The following TMEM192 variants were observed in gnomAD, a reference collection of about 807,000 sequenced individuals.
TMEM192 encodes transmembrane protein 192.
A neutral mutation model predicts 26.7 loss-of-function variants in TMEM192; 20 were observed. The observed-to-expected ratio is 0.75, with a 90% CI of 0.53 to 1.09. The LOEUF is 1.09. Ranked by LOEUF, TMEM192 falls within the 50% of genes least tolerant of loss-of-function variation. TMEM192 has a pLI of 0.00. For missense variants in TMEM192, 304 were observed against 322.6 expected, an observed-to-expected ratio of 0.94 and a Z score of 0.44; for synonymous variants, 124 against 121.0, an observed-to-expected ratio of 1.02 and a Z score of -0.16.
chr4:165,073,506 C>T lies in TMEM192; in HGVS notation c.*6152G>A, dbSNP rs1734311544. ...ACTGAGACAGCCTGAGATACGGCCT[C>T]GTGGGAAAGGAAAGGCCTTACCATC... is the stretch of plus-strand genomic sequence containing the variant. On this transcript the variant is annotated 3_prime_UTR_variant, in exon 6 of 6. Coordinates refer to ENST00000306480, the MANE Select transcript of TMEM192 (RefSeq NM_001100389.2). 2 of 152,136 alleles carry T rather than the reference C, an allele frequency of 1.3e-5. No individual in the cohort carries two copies. The highest frequency in any genetic ancestry group is 2.4e-5 in the African/African-American group (1 of 41,424). 9.4% of individuals were successfully genotyped at this position (152,136 alleles called of 1,614,324 possible).
intron 3 of TMEM192, among the ~76,000 whole-genome samples, chr4:165,092,353 C>T (rs757240699): frequency 6.6e-5 from 10 of 152,024 alleles, no homozygotes; most frequent in African/African-American, 9.7e-5. Flanking sequence ...AACTTCTGAC[C>T]GCAAGTGATC....
intron 3 of TMEM192, among the ~76,000 whole-genome samples, chr4:165,097,536 C>A (rs1578908581): frequency 4.5e-5 from 6 of 132,578 alleles, no homozygotes; most frequent in East Asian, 2.2e-4. Flanking sequence ...ACTAACAGAA[C>A]AGAAGAAAAA....
At chr4:165,098,943 C>A (rs894742603) in intron 3 of TMEM192, among the ~76,000 whole-genome samples, 1 of 151,948 alleles carries the variant, frequency 6.6e-6, no homozygotes, top group African/African-American at 2.4e-5. Flanking sequence ...GTCAGGTGAT[C>A]CTTCCGCTTC....
Position 165,100,678 on chromosome 4 carries a change from T to C in TMEM192, c.389A>G (p.Tyr130Cys), listed in dbSNP as rs772118599. ...KIRNRGYNLIYRSTRHLKRLA... is the reference protein window; with the variant it reads ...KIRNRGYNLICRSTRHLKRLA... ...TCTCTTGAGATGCCTTGTTGATCGGTAGATCAAGTTATAGCCTCGGTTTCT... is the reference window on the plus strand; with the variant it reads ...TCTCTTGAGATGCCTTGTTGATCGGCAGATCAAGTTATAGCCTCGGTTTCT... Residue 130 changes from tyrosine to cysteine, a missense_variant, in exon 3 of 6, where the codon TAC becomes TGC. Coordinates refer to ENST00000306480, the MANE Select transcript of TMEM192 (RefSeq NM_001100389.2). 1 of 1,614,006 alleles carries C rather than the reference T, an allele frequency of 6.2e-7. No homozygotes were observed. The highest frequency in any genetic ancestry group is 1.3e-5 in the African/African-American group (1 of 74,918).
intron 3 of TMEM192, among the ~76,000 whole-genome samples, chr4:165,093,707 G>A (rs1406849142): frequency 1.3e-5 from 2 of 152,072 alleles, no homozygotes; most frequent in African/African-American, 4.8e-5. Flanking sequence ...ACACTCTCCA[G>A]TTATACAGTT....
intron 1 of TMEM192, among the ~76,000 whole-genome samples, chr4:165,110,157 G>A (rs1185248384): frequency 6.6e-6 from 1 of 152,104 alleles, no homozygotes; most frequent in Non-Finnish European, 1.5e-5. Flanking sequence ...GAAGGGTGAG[G>A]GGAAGAGGAC....
Position 165,074,118 on chromosome 4 carries a change from C to CCT in TMEM192, c.*5539_*5540insAG, listed in dbSNP as rs563291911. ...CCACAGGTGTGGAGGGGCAGACCCCCCCTCAATCAACTGAGCCAAGTGTTG... is the reference window on the plus strand; with the variant it reads ...CCACAGGTGTGGAGGGGCAGACCCCCCTCCTCAATCAACTGAGCCAAGTGTTG... On this transcript the variant is annotated 3_prime_UTR_variant, in exon 6 of 6. Transcript: ENST00000306480. 1.3e-5 allele frequency: 2 copies of CCT among 151,826 alleles called. No individual in the cohort carries two copies. Among genetic ancestry groups the CCT allele is most frequent in the Admixed American group, 6.6e-5 (1 of 15,204 alleles). 9.4% of individuals were successfully genotyped at this position (151,826 alleles called of 1,614,324 possible).
chr4:165,100,048 G>A (rs1469553239), intron 3 of TMEM192, among the ~76,000 whole-genome samples: 2 of 152,008 alleles, frequency 1.3e-5, no homozygotes, highest in East Asian at 3.8e-4. Flanking sequence ...TAAACCACCT[G>A]GTAACAAAAG....
In TMEM192 at chr4:165,112,840, C is replaced by T. The variant is rs1735329143; in HGVS notation, c.-67G>A. On this transcript the variant is annotated 5_prime_UTR_variant, in exon 1 of 6. Transcript: ENST00000306480. The stretch of plus-strand genomic sequence containing the variant: ...TCCACCTGGACCTGTAAGCCTCTGG[C>T]CGCGAAACTCGCCACCTTCTGGGAC... The T allele has an allele frequency of 3.8e-6, 6 of 1,569,984 alleles. No homozygotes were observed. Among genetic ancestry groups the T allele is most frequent in the Non-Finnish European group, 5.2e-6 (6 of 1,163,476 alleles).
intron 4 of TMEM192, among the ~76,000 whole-genome samples, chr4:165,087,682 G>A (rs2110751072): frequency 6.6e-6 from 1 of 152,222 alleles, no homozygotes; most frequent in Middle Eastern, 3.4e-3. Flanking sequence ...GGTCATGCCT[G>A]TAATCCCAGC....
chr4:165,076,314 A>G lies in TMEM192; in HGVS notation c.*3344T>C, dbSNP rs1173175853. 1 of 152,166 alleles carries G rather than the reference A, an allele frequency of 6.6e-6. No individual in the cohort carries two copies. The highest frequency in any genetic ancestry group is 1.5e-5 in the Non-Finnish European group (1 of 68,044). The allele number at this position is 152,166 out of a possible 1,614,324, so 9.4% of individuals were successfully genotyped here. A position where few individuals can be genotyped will look rare whatever the true frequency, so the allele number is the denominator to read the frequency against. Reference sequence around the variant, plus strand: ...GCCACACATATTTCCTCCATATTGAACTACCATCTGATCCTGCTGAAACTA... The same window carrying G: ...GCCACACATATTTCCTCCATATTGAGCTACCATCTGATCCTGCTGAAACTA... On this transcript the variant is annotated 3_prime_UTR_variant, in exon 6 of 6. Transcript: ENST00000306480.
At chr4:165,111,358 T>C (rs2110807011) in intron 1 of TMEM192, among the ~76,000 whole-genome samples, 1 of 152,302 alleles carries the variant, frequency 6.6e-6, no homozygotes, top group East Asian at 1.9e-4. Flanking sequence ...CCTCCCAAAG[T>C]GCTGGGATTA....
rs1730047792 is a variant in TMEM192, at chr4:165,071,114, T to C, written c.*8544A>G. The C allele has an allele frequency of 6.6e-6, 1 of 152,100 alleles. No homozygotes were observed. Among genetic ancestry groups the C allele is most frequent in the Non-Finnish European group, 1.5e-5 (1 of 68,028 alleles). The allele number at this position is 152,100 out of a possible 1,614,324, so 9.4% of individuals were successfully genotyped here. A position where few individuals can be genotyped will look rare whatever the true frequency, so the allele number is the denominator to read the frequency against. On this transcript the variant is annotated 3_prime_UTR_variant, in exon 6 of 6. Coordinates refer to ENST00000306480, the MANE Select transcript of TMEM192 (RefSeq NM_001100389.2). Reference sequence around the variant, plus strand: ...TACTAAACCCTACGAACACTATATTTTTTCCTATCCACACATAACTACAAT... The same window carrying C: ...TACTAAACCCTACGAACACTATATTCTTTCCTATCCACACATAACTACAAT...
rs200266889 is a variant in TMEM192, at chr4:165,079,808, C to G, written c.678-12G>C. ...GGCTTGAAATAGTTCTGCAAGTAAT[C>G]AAGATATAAATGGGTTACACATATT... On this transcript the variant is annotated splice_polypyrimidine_tract_variant and intron_variant, in intron 5 of 5. Transcript: ENST00000306480. The G allele has an allele frequency of 6.2e-7, 1 of 1,612,576 alleles. No homozygotes were observed. The highest frequency in any genetic ancestry group is 1.3e-5 in the African/African-American group (1 of 74,990).
At chr4:165,088,294 G>A (rs1249443943) in intron 4 of TMEM192, among the ~76,000 whole-genome samples, 174 bp downstream of exon 4, 1 of 152,094 alleles carries the variant, frequency 6.6e-6, no homozygotes, top group Non-Finnish European at 1.5e-5. Context: ...AAAAGAATGG[G>A]GTCTCACTGG....
At position 165,079,628 on chromosome 4, in the gene TMEM192, T is replaced by G. The variant is rs759174436; in HGVS notation, c.*30A>C. ...GTCAGTCTCAATTACTCTGGGTTCC[T>G]CTGCAATTGCTGTCATGACCGTGAG... On this transcript the variant is annotated 3_prime_UTR_variant, in exon 6 of 6. Transcript: ENST00000306480. 6.3e-7 allele frequency: 1 copy of G among 1,591,416 alleles called. No homozygotes were observed. The highest frequency in any genetic ancestry group is 1.1e-5 in the South Asian group (1 of 88,544).
intron 1 of TMEM192, among the ~76,000 whole-genome samples, chr4:165,111,163 G>A (rs1735285360): frequency 6.6e-6 from 1 of 152,138 alleles, no homozygotes. Flanking sequence ...GCAGTGATGC[G>A]ATCTTGGCTC....
At chr4:165,098,744 C>A (rs1296274715) in intron 3 of TMEM192, among the ~76,000 whole-genome samples, 1 of 152,086 alleles carries the variant, frequency 6.6e-6, no homozygotes, top group Non-Finnish European at 1.5e-5. Flanking sequence ...GTTGCCCAGG[C>A]TGGAGTGCAG....
chr4:165,100,972 T>C (rs1437090491), intron 2 of TMEM192, 80 bp from the exon 3 acceptor site: 5 of 190,852 alleles, frequency 2.6e-5, no homozygotes, highest in South Asian at 1.5e-4. Context: ...GCATACATTC[T>C]TTTTTTTTTT....
Sources: allele counts gnomAD v4.1 joint callset (sites outside exome capture counted in the v4.1 genomes callset), GRCh38; gene constraint gnomAD v4.1.1; transcripts MANE v1.5; gene names NCBI Gene and HGNC (gene_info 2026-07-23, HGNC 2026-07-21).